SRD5A1: variants seen among roughly 807,000 people sequenced by gnomAD.
The protein encoded by SRD5A1 is 3-oxo-5-alpha-steroid 4-dehydrogenase 1.
Under a neutral mutation model 28.2 loss-of-function variants are expected in SRD5A1, and 22 were observed. The ratio of observed to expected loss-of-function variants is 0.78; its 90% confidence interval spans 0.56 to 1.12. The LOEUF is 1.12. Among genes scored for constraint, SRD5A1 ranks in the 50% most tolerant of loss-of-function variants. The pLI is 0.00. For synonymous variants in SRD5A1, 151 were observed against 135.0 expected (o/e 1.12, Z -0.82); for missense variants, 300 against 346.7 (o/e 0.87, Z 1.07).
At chr5:6,652,136 C>A in intron 2 of SRD5A1, 128 bp downstream of exon 2, 1 of 1,110,668 alleles carries the variant, frequency 9.0e-7, no homozygotes, top group East Asian at 2.6e-5. Flanking sequence ...GCAGCAGCAC[C>A]CCGGAGTCCC....
At chr5:6,636,631 C>A (rs937448044) in intron 1 of SRD5A1, among the ~76,000 whole-genome samples, 1 of 152,140 alleles carries the variant, frequency 6.6e-6, no homozygotes, top group African/African-American at 2.4e-5. Context: ...CAGCTCTTCC[C>A]AGAGCAACTG....
chr5:6,637,361 T>A (rs568015805), intron 1 of SRD5A1, among the ~76,000 whole-genome samples: 1,976 of 152,240 alleles, frequency 0.013, 43 homozygotes, highest in African/African-American at 0.045. Flanking sequence ...ATCATCTGTG[T>A]TGGTTCTTGC....
At chr5:6,633,940 C>A in intron 1 of SRD5A1, 71 bp downstream of exon 1, 1 of 1,523,312 alleles carries the variant, frequency 6.6e-7, no homozygotes, top group Admixed American at 1.8e-5. Context: ...CCCCTCACTG[C>A]CCGGTGCCCT....
Position 6,662,899 on chromosome 5 carries a change from G to A in SRD5A1, c.646G>A (p.Val216Ile), listed in dbSNP as rs201319467. Reference sequence around the variant, plus strand: ...TGGCTATGCCCTGGCCAGCTGGTCTGTCCAAGGCGCGGCTTTTGCTTTCTT... The same window carrying A: ...TGGCTATGCCCTGGCCAGCTGGTCTATCCAAGGCGCGGCTTTTGCTTTCTT... ...WCGYALASWS[V>I]QGAAFAFFTF... is the part of the protein sequence containing the mutation. Residue 216 changes from valine to isoleucine, a missense_variant, in exon 4 of 5, where the codon GTC becomes ATC. By Grantham distance (29) the Val-to-Ile change is conservative. Transcript: ENST00000274192. 6.8e-6 allele frequency: 11 copies of A among 1,613,700 alleles called. No homozygotes were observed. Among genetic ancestry groups the A allele is most frequent in the Non-Finnish European group, 9.3e-6 (11 of 1,180,052 alleles).
At chr5:6,644,086 C>T (rs779994840) in intron 1 of SRD5A1, among the ~76,000 whole-genome samples, 18 of 152,234 alleles carry the variant, frequency 1.2e-4, no homozygotes, top group Non-Finnish European at 2.4e-4. Flanking sequence ...CCACCACATA[C>T]GCAGAATGTT....
At chr5:6,658,317 T>C (rs1383854929) in intron 3 of SRD5A1, among the ~76,000 whole-genome samples, 1 of 151,948 alleles carries the variant, frequency 6.6e-6, no homozygotes, top group African/African-American at 2.4e-5. Context: ...AGAGTGAGAC[T>C]CTGTCTAAAA....
intron 1 of SRD5A1, among the ~76,000 whole-genome samples, chr5:6,650,845 C>A (rs1465042559): frequency 7.1e-6 from 1 of 141,790 alleles, no homozygotes; most frequent in Non-Finnish European, 1.5e-5. Flanking sequence ...TTCCTGTGTC[C>A]ATGTGATCTC....
At chr5:6,647,475 A>G (rs1738540979) in intron 1 of SRD5A1, among the ~76,000 whole-genome samples, 1 of 152,148 alleles carries the variant, frequency 6.6e-6, no homozygotes, top group Non-Finnish European at 1.5e-5. Context: ...TTGGGTGCAT[A>G]TATATCTAGG....
intron 1 of SRD5A1, among the ~76,000 whole-genome samples, chr5:6,640,225 A>T (rs143892201): frequency 7.3e-4 from 111 of 152,338 alleles, no homozygotes; most frequent in African/African-American, 2.5e-3. Context: ...TCTGTAAAAT[A>T]GGGATAATAG....
At chr5:6,653,337 A>G (rs572579414) in intron 2 of SRD5A1, 9 of 152,358 alleles carry the variant, frequency 5.9e-5, no homozygotes, top group African/African-American at 2.2e-4. Flanking sequence ...TGCCTCCATG[A>G]AATGCTAGAC....
rs1739433801 is a variant in SRD5A1 at position 6,673,947 on chromosome 5, A to G, written c.*5679A>G. On this transcript the variant is annotated 3_prime_UTR_variant, in exon 5 of 5. Coordinates refer to ENST00000274192, the MANE Select transcript of SRD5A1 (RefSeq NM_001047.4). ...GACAATAAAAAGAACAGAGTTTTGG[A>G]TGAAGGGAGGGATGAACAGGCAGAA... The G allele has an allele frequency of 6.6e-6, 1 of 152,192 alleles. No individual in the cohort carries two copies. Among genetic ancestry groups the G allele is most frequent in the African/African-American group, 2.4e-5 (1 of 41,440 alleles). 9.4% of individuals were successfully genotyped at this position (152,192 alleles called of 1,614,324 possible).
chr5:6,636,009 C>G (rs1738172864), intron 1 of SRD5A1, among the ~76,000 whole-genome samples: 1 of 151,970 alleles, frequency 6.6e-6, no homozygotes, highest in African/African-American at 2.4e-5. Context: ...ACTTCCTATA[C>G]TAATAGTTTA....
At chr5:6,634,986 A>G (rs1738135757) in intron 1 of SRD5A1, among the ~76,000 whole-genome samples, 2 of 152,352 alleles carry the variant, frequency 1.3e-5, no homozygotes, top group Non-Finnish European at 1.5e-5. Context: ...AGTTTACCCA[A>G]CCTTTCTGAT....
intron 4 of SRD5A1, among the ~76,000 whole-genome samples, chr5:6,665,659 T>G (rs1022511879): frequency 6.6e-6 from 1 of 152,124 alleles, no homozygotes. Context: ...GGCTCATTTC[T>G]CATTAAAAGA....
intron 4 of SRD5A1, among the ~76,000 whole-genome samples, chr5:6,665,268 C>T (rs1312617386): frequency 2.0e-5 from 3 of 152,210 alleles, no homozygotes; most frequent in Non-Finnish European, 4.4e-5. Flanking sequence ...AGCCCTGCTG[C>T]CACCTTGATT....
Position 6,669,800 on chromosome 5 carries a change from A to G in SRD5A1, c.*1532A>G, listed in dbSNP as rs1739309229. The G allele has an allele frequency of 6.6e-6, 1 of 152,178 alleles. No individual in the cohort carries two copies. Among genetic ancestry groups the G allele is most frequent in the South Asian group, 2.1e-4 (1 of 4,824 alleles). The allele number at this position is 152,178 out of a possible 1,614,324, so 9.4% of individuals were successfully genotyped here. On this transcript the variant is annotated 3_prime_UTR_variant, in exon 5 of 5. Transcript: ENST00000274192. ...ATACACCTTTCCTTCTCCCCTCTCTATTCTGACCCCAGTTGAAATCACCTC... is the reference window on the plus strand; with the variant it reads ...ATACACCTTTCCTTCTCCCCTCTCTGTTCTGACCCCAGTTGAAATCACCTC...
At chr5:6,649,641 G>A (rs536783170) in intron 1 of SRD5A1, among the ~76,000 whole-genome samples, 7 of 152,328 alleles carry the variant, frequency 4.6e-5, no homozygotes, top group South Asian at 4.1e-4. Flanking sequence ...AGAATGCACC[G>A]TTCCTCCTGG....
intron 1 of SRD5A1, among the ~76,000 whole-genome samples, chr5:6,642,825 G>T (rs567996287): frequency 6.6e-6 from 1 of 152,168 alleles, no homozygotes; most frequent in African/African-American, 2.4e-5. Context: ...CATCAAACTG[G>T]TGTATTTATG....
At position 6,669,374 on chromosome 5, in the gene SRD5A1, A is replaced by G. The variant is rs1461680137; in HGVS notation, c.*1106A>G. On this transcript the variant is annotated 3_prime_UTR_variant, in exon 5 of 5. Transcript: ENST00000274192. The stretch of plus-strand genomic sequence containing the variant: ...CCCCTCATAGCCTGTACCTGTTATC[A>G]ATATAAAATAATCTTCCTGTTGAAT... 6.6e-6 allele frequency: 1 copy of G among 152,202 alleles called. No homozygotes were observed. Among genetic ancestry groups the G allele is most frequent in the Non-Finnish European group, 1.5e-5 (1 of 68,038 alleles). 9.4% of individuals were successfully genotyped at this position (152,202 alleles called of 1,614,324 possible). A position where few individuals can be genotyped will look rare whatever the true frequency, so the allele number is the denominator to read the frequency against.
Sources: allele counts gnomAD v4.1 joint callset (sites outside exome capture counted in the v4.1 genomes callset), GRCh38; gene constraint gnomAD v4.1.1; transcripts MANE v1.5; gene names NCBI Gene and HGNC (gene_info 2026-07-23, HGNC 2026-07-21).